Variants in KCNN3 observed in about 807,000 individuals in gnomAD.
KCNN3 encodes the protein small conductance calcium-activated potassium channel protein 3.
A neutral mutation model predicts 62.9 loss-of-function variants in KCNN3; 16 were observed. That is an observed-to-expected ratio of 0.25 (90% CI 0.17 to 0.39). KCNN3 has a LOEUF of 0.39. Ranked by LOEUF, KCNN3 falls within the 10% of genes least tolerant of loss-of-function variation. KCNN3 has a pLI of 1.00. For synonymous variants in KCNN3, 370 were observed against 389.2 expected, an observed-to-expected ratio of 0.95 and a Z score of 0.58; for missense variants, 599 against 949.4, an observed-to-expected ratio of 0.63 and a Z score of 4.85.
At chr1:154,714,555 TG>T (rs1480386954) in intron 6 of KCNN3, among the ~76,000 whole-genome samples, 6 of 72,108 alleles carry the variant, frequency 8.3e-5, no homozygotes, top group East Asian at 3.6e-4. Context: ...TGTGTGTGTG[TG>T]GTGTGTGTGT....
intron 1 of KCNN3, among the ~76,000 whole-genome samples, chr1:154,848,637 C>G (rs775647970): frequency 6.6e-4 from 100 of 152,138 alleles, no homozygotes; most frequent in Non-Finnish European, 1.3e-3. Context: ...ACCTACCTCT[C>G]CAGCCCTCCC....
intron 5 of KCNN3, among the ~76,000 whole-genome samples, chr1:154,720,820 C>T (rs887165517): frequency 6.6e-6 from 1 of 152,154 alleles, no homozygotes; most frequent in Non-Finnish European, 1.5e-5. Flanking sequence ...TGTGATAGTG[C>T]GAGACAGAAG....
At chr1:154,782,995 G>T (rs1649116373) in intron 2 of KCNN3, among the ~76,000 whole-genome samples, 1 of 152,206 alleles carries the variant, frequency 6.6e-6, no homozygotes, top group Non-Finnish European at 1.5e-5. Flanking sequence ...GGCGGATCAT[G>T]AGGTCAGGAG....
chr1:154,714,175 G>A (rs560922492), intron 6 of KCNN3, among the ~76,000 whole-genome samples: 353 of 53,816 alleles, frequency 6.6e-3, no homozygotes, highest in South Asian at 0.041. Context: ...TGTGATGTGT[G>A]GTGTGTGGTG....
chr1:154,823,205 G>A (rs536517910), intron 1 of KCNN3, among the ~76,000 whole-genome samples: 92 of 152,272 alleles, frequency 6.0e-4, no homozygotes, highest in African/African-American at 2.1e-3. Flanking sequence ...TGGGCATTTC[G>A]AAGCTGGAAG....
chr1:154,856,986 T>A (rs1571343485), intron 1 of KCNN3, among the ~76,000 whole-genome samples: 2 of 151,982 alleles, frequency 1.3e-5, no homozygotes, highest in East Asian at 3.9e-4. Flanking sequence ...GGCTTGTGGG[T>A]CAAACCCAAG....
At chr1:154,770,847 A>G (rs1648520509) in intron 3 of KCNN3, among the ~76,000 whole-genome samples, 1 of 152,184 alleles carries the variant, frequency 6.6e-6, no homozygotes, top group African/African-American at 2.4e-5. Context: ...ACTTGAAGCC[A>G]GGAGTTCAAG....
intron 1 of KCNN3, among the ~76,000 whole-genome samples, chr1:154,853,075 G>C (rs567780868): frequency 4.9e-4 from 75 of 152,166 alleles, no homozygotes; most frequent in African/African-American, 1.7e-3. Context: ...CTGCATCCTC[G>C]AATTCCTGGG....
At chr1:154,718,763 G>T (rs1700284365) in intron 5 of KCNN3, among the ~76,000 whole-genome samples, 1 of 152,234 alleles carries the variant, frequency 6.6e-6, no homozygotes, top group East Asian at 1.9e-4. Flanking sequence ...TCCAGGGCTA[G>T]AGAGTGATGC....
chr1:154,713,496 C>A lies in KCNN3; in HGVS notation c.1867G>T (p.Asp623Tyr). The A allele has an allele frequency of 6.2e-7, 1 of 1,614,070 alleles. No homozygotes were observed. Among genetic ancestry groups the A allele is most frequent in the South Asian group, 1.1e-5 (1 of 91,054 alleles). ...SVKMEQRKLS[D>Y]QANTLVDLSK... ...AGGTCCACCAGAGTGTTGGCTTGGT[C>A]ACTCAGCTTCCTCTGTTCCATCTTG... The change falls in exon 7 of 8, where the codon GAC (aspartate) becomes TAC (tyrosine). Residue 623 changes from aspartate (D) to tyrosine (Y), a missense_variant. Asp to Tyr is a radical substitution (Grantham distance 160, BLOSUM62 -3). Coordinates refer to ENST00000271915, the MANE Select transcript of KCNN3 (RefSeq NM_002249.6).
chr1:154,771,866 G>A (rs1256860716), intron 3 of KCNN3, 109 bp downstream of exon 3: 1 of 1,085,148 alleles, frequency 9.2e-7, no homozygotes, highest in Admixed American at 1.8e-5. Flanking sequence ...AGGTGTCTGG[G>A]TACATGCCTG....
At chr1:154,826,448 G>A (rs953034674) in intron 1 of KCNN3, among the ~76,000 whole-genome samples, 1 of 151,422 alleles carries the variant, frequency 6.6e-6, no homozygotes, top group Non-Finnish European at 1.5e-5. Context: ...CAGAAGTTAG[G>A]TAACTTGTCC....
chr1:154,778,949 C>T (rs1358008269), intron 2 of KCNN3, among the ~76,000 whole-genome samples: 1 of 152,122 alleles, frequency 6.6e-6, no homozygotes, highest in Non-Finnish European at 1.5e-5. Context: ...AGCCATGTAC[C>T]TTGCTTTGGC....
intron 2 of KCNN3, among the ~76,000 whole-genome samples, chr1:154,810,491 G>A (rs532914598): frequency 2.2e-4 from 34 of 152,268 alleles, no homozygotes; most frequent in African/African-American, 7.2e-4. Context: ...AAACTGAAGC[G>A]GGTCCCAGTT....
intron 2 of KCNN3, among the ~76,000 whole-genome samples, chr1:154,815,163 C>T (rs565644453): frequency 3.3e-5 from 5 of 152,252 alleles, no homozygotes; most frequent in East Asian, 3.9e-4. Flanking sequence ...CTCAAGATCT[C>T]GGAGGTTCAA....
At chr1:154,824,426 C>T (rs1651026906) in intron 1 of KCNN3, among the ~76,000 whole-genome samples, 1 of 152,216 alleles carries the variant, frequency 6.6e-6, no homozygotes, top group African/African-American at 2.4e-5. Flanking sequence ...TCTTCACAAG[C>T]ACTTCCTGGT....
intron 1 of KCNN3, among the ~76,000 whole-genome samples, chr1:154,843,275 C>T (rs1390135353): frequency 6.6e-6 from 1 of 152,084 alleles, no homozygotes; most frequent in East Asian, 1.9e-4. Context: ...AACAGTTCCC[C>T]TCCCCAGAAC....
chr1:154,801,235 T>A (rs143730611), intron 2 of KCNN3, among the ~76,000 whole-genome samples: 1 of 152,276 alleles, frequency 6.6e-6, no homozygotes, highest in African/African-American at 2.4e-5. Flanking sequence ...GAACCATTTA[T>A]CCCGGCAAAG....
At chr1:154,718,673 T>C (rs963142350) in intron 5 of KCNN3, among the ~76,000 whole-genome samples, 2 of 152,092 alleles carry the variant, frequency 1.3e-5, no homozygotes, top group Admixed American at 6.5e-5. Flanking sequence ...GAACTTACAA[T>C]CCTGCGGAGA....
Sources: gnomAD v4.1 joint callset for allele counts (sites outside exome capture counted in the v4.1 genomes callset) on GRCh38, gnomAD v4.1.1 for gene constraint, MANE v1.5 for transcripts, NCBI Gene and HGNC (gene_info 2026-07-23, HGNC 2026-07-21) for gene names.